Variants in NKAIN2 observed in about 807,000 individuals in gnomAD.
The protein encoded by NKAIN2 is sodium/potassium-transporting ATPase subunit beta-1-interacting protein 2.
NKAIN2 carries 14 observed loss-of-function variants against 32.6 expected under a neutral mutation model. The ratio of observed to expected loss-of-function variants is 0.43; its 90% CI spans 0.28 to 0.67. NKAIN2 has a LOEUF of 0.67. Ranked by LOEUF, NKAIN2 falls within the 30% of genes least tolerant of loss-of-function variation. NKAIN2 has a pLI of 0.17. For synonymous variants in NKAIN2, 80 were observed against 87.2 expected (o/e 0.92, Z 0.46); for missense variants, 198 against 258.3 (o/e 0.77, Z 1.60).
At chr6:124,070,009 G>A (rs575027218) in intron 1 of NKAIN2, among the ~76,000 whole-genome samples, 4 of 152,268 alleles carry the variant, frequency 2.6e-5, no homozygotes, top group African/African-American at 9.6e-5. Flanking sequence ...AAGCAGGAGA[G>A]CTATGAATGA....
At chr6:124,733,656 G>A (rs1776793659) in intron 4 of NKAIN2, among the ~76,000 whole-genome samples, 1 of 151,788 alleles carries the variant, frequency 6.6e-6, no homozygotes, top group South Asian at 2.1e-4. Flanking sequence ...TTGAAGATAA[G>A]AAGAGAAGGC....
In NKAIN2 at chr6:124,201,439, G is replaced by A. The variant is rs532917966; in HGVS notation, c.55-81566G>A. On this transcript the variant is annotated intron_variant, in intron 1 of 6. Coordinates refer to ENST00000368417, the MANE Select transcript of NKAIN2 (RefSeq NM_001040214.3). ...GATTCTAATTAGTGGGAATTCTAGC[G>A]GGGAAAGTAGTTAAGGGAAATTAGT... Among the ~76,000 whole-genome samples, 15 of 151,888 alleles carry A rather than the reference G, an allele frequency of 9.9e-5. 1 individual carries two copies. Among genetic ancestry groups the A allele is most frequent in the Admixed American group, 6.6e-4 (10 of 15,218 alleles).
At chr6:124,072,564 C>T (rs914930295) in intron 1 of NKAIN2, among the ~76,000 whole-genome samples, 4 of 152,102 alleles carry the variant, frequency 2.6e-5, no homozygotes, top group African/African-American at 7.2e-5. Flanking sequence ...CATTATTTTC[C>T]TTCCAAGCGA....
chr6:124,355,556 T>G (rs1174911464), intron 3 of NKAIN2, among the ~76,000 whole-genome samples: 1 of 152,172 alleles, frequency 6.6e-6, no homozygotes, highest in Admixed American at 6.5e-5. Flanking sequence ...CAAAACTAAG[T>G]GAACTGTTGC....
At chr6:124,135,646 A>G (rs1446324949) in intron 1 of NKAIN2, among the ~76,000 whole-genome samples, 1 of 152,060 alleles carries the variant, frequency 6.6e-6, no homozygotes, top group African/African-American at 2.4e-5. Context: ...AATTATTATC[A>G]GAAATTTAAG....
intron 1 of NKAIN2, among the ~76,000 whole-genome samples, chr6:124,022,250 T>TATGCATA (rs1210522713): frequency 5.3e-5 from 8 of 152,296 alleles, no homozygotes; most frequent in Middle Eastern, 6.8e-3. Context: ...CTGCATAGTA[T>TATGCATA]TCCATGGTGT....
intron 1 of NKAIN2, among the ~76,000 whole-genome samples, chr6:124,139,440 A>C (rs569065058): frequency 6.6e-6 from 1 of 152,194 alleles, no homozygotes; most frequent in Non-Finnish European, 1.5e-5. Flanking sequence ...TCCTCTGCCA[A>C]ACTGTAAGCT....
chr6:124,424,609 C>CTCTGCTTCTATTCATTATTATT (rs1475241038), intron 3 of NKAIN2, among the ~76,000 whole-genome samples: 5 of 152,136 alleles, frequency 3.3e-5, no homozygotes, highest in Non-Finnish European at 7.4e-5. Flanking sequence ...TCATTCTACT[C>CTCTGCTTCTATTCATTATTATT]TCTGCTTCTA....
intron 3 of NKAIN2, among the ~76,000 whole-genome samples, chr6:124,426,495 A>C (rs1303248929): frequency 6.6e-6 from 1 of 152,174 alleles, no homozygotes; most frequent in Non-Finnish European, 1.5e-5. Context: ...ATTAAAGAAA[A>C]AATAAAACAG....
At chr6:123,833,415 T>C (rs192371449) in intron 1 of NKAIN2, among the ~76,000 whole-genome samples, 1 of 152,276 alleles carries the variant, frequency 6.6e-6, no homozygotes, top group East Asian at 1.9e-4. Context: ...TTTGGGTTTT[T>C]TGCCTTTCCA....
At chr6:123,883,346 C>T (rs1342936371) in intron 1 of NKAIN2, among the ~76,000 whole-genome samples, 8 of 151,952 alleles carry the variant, frequency 5.3e-5, no homozygotes, top group Admixed American at 1.3e-4. Flanking sequence ...AGGGTTTCAC[C>T]GTGTTAGCCA....
chr6:124,122,753 T>C (rs922157970), intron 1 of NKAIN2, among the ~76,000 whole-genome samples: 2 of 152,136 alleles, frequency 1.3e-5, no homozygotes, highest in African/African-American at 2.4e-5. Context: ...TTTAATAAGA[T>C]AGTCCAAATT....
intron 3 of NKAIN2, among the ~76,000 whole-genome samples, chr6:124,431,137 C>T (rs1359611654): frequency 6.6e-6 from 1 of 152,030 alleles, no homozygotes; most frequent in Non-Finnish European, 1.5e-5. Flanking sequence ...ATTGCGATGC[C>T]CATTCTGACA....
At chr6:124,176,415 A>G (rs1274875270) in intron 1 of NKAIN2, among the ~76,000 whole-genome samples, 1 of 152,212 alleles carries the variant, frequency 6.6e-6, no homozygotes, top group Non-Finnish European at 1.5e-5. Flanking sequence ...TCTATATACA[A>G]GATCATGTCT....
rs532771183 is a variant in NKAIN2 at position 124,571,985 on chromosome 6, C to A, written c.274-86201C>A. ...TCTGCCCTTCCAATTTGGCTTTTGTCTCTAGCACTCTATTTTATCTGTTCT... is the reference window on the plus strand; with the variant it reads ...TCTGCCCTTCCAATTTGGCTTTTGTATCTAGCACTCTATTTTATCTGTTCT... On this transcript the variant is annotated intron_variant, in intron 3 of 6. Transcript: ENST00000368417. 9.6e-4 allele frequency among the ~76,000 whole-genome samples: 146 copies of A among 152,256 alleles called. 1 individual carries two copies. Among genetic ancestry groups the A allele is most frequent in the Admixed American group, 1.5e-3 (23 of 15,300 alleles).
At chr6:124,546,747 C>T (rs1780108062) in intron 3 of NKAIN2, among the ~76,000 whole-genome samples, 1 of 152,022 alleles carries the variant, frequency 6.6e-6, no homozygotes, top group Non-Finnish European at 1.5e-5. Context: ...TCAAGTCATC[C>T]ACAAGCAGGA....
chr6:123,910,924 G>A (rs917830986), intron 1 of NKAIN2, among the ~76,000 whole-genome samples: 13 of 151,992 alleles, frequency 8.6e-5, no homozygotes, highest in African/African-American at 2.2e-4. Context: ...TGCAAAATCC[G>A]TAACTATACT....
chr6:124,020,483 C>A (rs1780813695), intron 1 of NKAIN2, among the ~76,000 whole-genome samples: 1 of 152,008 alleles, frequency 6.6e-6, no homozygotes, highest in African/African-American at 2.4e-5. Context: ...GTAGAAGTCG[C>A]ATAAAATCTG....
intron 4 of NKAIN2, among the ~76,000 whole-genome samples, chr6:124,728,120 C>T (rs899770060): frequency 4.2e-5 from 6 of 143,176 alleles, no homozygotes; most frequent in Non-Finnish European, 7.6e-5. Flanking sequence ...GAGACTTTAA[C>T]ACCCCACTGT....
Sources: gnomAD v4.1 joint callset for allele counts (sites outside exome capture counted in the v4.1 genomes callset) on GRCh38, gnomAD v4.1.1 for gene constraint, MANE v1.5 for transcripts, NCBI Gene and HGNC (gene_info 2026-07-23, HGNC 2026-07-21) for gene names.